Variants in ITGA9 observed in about 807,000 individuals in gnomAD.
ITGA9 encodes integrin subunit alpha 9, also known as integrin alpha-9.
ITGA9 carries 56 observed loss-of-function variants against 127.8 expected under a neutral mutation model. The ratio of observed to expected loss-of-function variants is 0.44; its 90% CI spans 0.35 to 0.55. ITGA9 has a LOEUF of 0.55. Ranked by LOEUF, ITGA9 falls within the 20% of genes least tolerant of loss-of-function variation. ITGA9 has a pLI of 0.00. For synonymous variants in ITGA9, 508 were observed against 514.5 expected (o/e 0.99, Z 0.17); for missense variants, 1,196 against 1,347.1 (o/e 0.89, Z 1.76).
At chr3:37,481,427 G>C in intron 3 of ITGA9, 57 bp from the exon 4 acceptor site, 1 of 1,611,436 alleles carries the variant, frequency 6.2e-7, no homozygotes, top group Non-Finnish European at 8.5e-7. Context: ...ACAGGAGTCT[G>C]CTTTGTGATC....
intron 4 of ITGA9, among the ~76,000 whole-genome samples, chr3:37,489,734 C>T (rs536240710): frequency 1.3e-4 from 18 of 142,360 alleles, no homozygotes; most frequent in Admixed American, 1.2e-3. Context: ...TGCCCAAATG[C>T]ATTGTTTCCT....
intron 15 of ITGA9, among the ~76,000 whole-genome samples, chr3:37,582,909 A>G (rs557802049): frequency 9.2e-5 from 14 of 152,352 alleles, no homozygotes; most frequent in African/African-American, 3.4e-4. Flanking sequence ...AAACTTGTCA[A>G]CCAGTAGGCC....
At chr3:37,557,342 G>GA (rs1369029248) in intron 15 of ITGA9, among the ~76,000 whole-genome samples, 2 of 152,198 alleles carry the variant, frequency 1.3e-5, no homozygotes, top group East Asian at 3.9e-4. Flanking sequence ...CTGTTTTGCA[G>GA]ATGGGGAATT....
chr3:37,492,664 T>G (rs1698685132), intron 4 of ITGA9, among the ~76,000 whole-genome samples: 1 of 152,220 alleles, frequency 6.6e-6, no homozygotes, highest in African/African-American at 2.4e-5. Context: ...TGTCAGAAAT[T>G]TATGAGGCTG....
chr3:37,665,190 G>T (rs1327345413), intron 17 of ITGA9, among the ~76,000 whole-genome samples: 2 of 151,676 alleles, frequency 1.3e-5, no homozygotes, highest in Non-Finnish European at 2.9e-5. Flanking sequence ...GTCCAGGCTA[G>T]TCTCGAACTC....
At chr3:37,600,258 G>A (rs1196574372) in intron 15 of ITGA9, among the ~76,000 whole-genome samples, 2 of 152,100 alleles carry the variant, frequency 1.3e-5, no homozygotes, top group Admixed American at 6.5e-5. Flanking sequence ...AGGAATTAAG[G>A]TATTTCTCCC....
chr3:37,711,789 T>G (rs748959088), intron 18 of ITGA9, among the ~76,000 whole-genome samples: 21 of 152,368 alleles, frequency 1.4e-4, no homozygotes, highest in South Asian at 1.0e-3. Flanking sequence ...TGTTCTACAC[T>G]TATAAGTTAA....
chr3:37,766,711 A>G (rs1339999396), intron 23 of ITGA9, among the ~76,000 whole-genome samples: 1 of 152,212 alleles, frequency 6.6e-6, no homozygotes, highest in Non-Finnish European at 1.5e-5. Flanking sequence ...TTTGTCTCAT[A>G]TGGGGGCTAT....
chr3:37,714,177 C>T (rs1417626784), intron 18 of ITGA9, among the ~76,000 whole-genome samples: 2 of 152,212 alleles, frequency 1.3e-5, no homozygotes, highest in Admixed American at 1.3e-4. Context: ...TTCTCAGAGG[C>T]TTGATATCCT....
chr3:37,680,109 C>G (rs1700721084), intron 17 of ITGA9, among the ~76,000 whole-genome samples: 1 of 152,118 alleles, frequency 6.6e-6, no homozygotes, highest in Non-Finnish European at 1.5e-5. Flanking sequence ...ATAGGAGTTG[C>G]TGGGTTCTCA....
At chr3:37,478,073 G>A (rs1017045199) in intron 3 of ITGA9, among the ~76,000 whole-genome samples, 5 of 152,040 alleles carry the variant, frequency 3.3e-5, no homozygotes, top group East Asian at 1.9e-4. Flanking sequence ...TTAGGTGAAC[G>A]TCCTCAGAAT....
chr3:37,546,440 GT>G (rs1391815099), intron 15 of ITGA9, among the ~76,000 whole-genome samples: 1 of 152,222 alleles, frequency 6.6e-6, no homozygotes, highest in Non-Finnish European at 1.5e-5. Flanking sequence ...AATCCACCTT[GT>G]GGGCCCAGTC....
chr3:37,818,251 C>CTTTTTT (rs1165189273), intron 27 of ITGA9: 11 of 57,026 alleles, frequency 1.9e-4, no homozygotes, highest in African/African-American at 4.8e-4. Context: ...ACCATGAAAC[C>CTTTTTT]TTTTTTTTTT....
intron 4 of ITGA9, among the ~76,000 whole-genome samples, chr3:37,492,919 C>A (rs1698687414): frequency 6.6e-6 from 1 of 152,196 alleles, no homozygotes; most frequent in Non-Finnish European, 1.5e-5. Context: ...TTATTTCTTG[C>A]TATTATGAAA....
At chr3:37,586,261 G>A (rs969980367) in intron 15 of ITGA9, among the ~76,000 whole-genome samples, 2 of 152,198 alleles carry the variant, frequency 1.3e-5, no homozygotes, top group African/African-American at 2.4e-5. Context: ...AAAGCCCCAA[G>A]CAAACAGCCT....
At chr3:37,808,615 A>G (rs939820244) in intron 27 of ITGA9, 1 of 152,090 alleles carries the variant, frequency 6.6e-6, no homozygotes, top group Admixed American at 6.6e-5. Context: ...ACATCTGACA[A>G]ATTTCTGGGT....
At chr3:37,620,824 C>T (rs1305502146) in intron 15 of ITGA9, among the ~76,000 whole-genome samples, 1 of 152,210 alleles carries the variant, frequency 6.6e-6, no homozygotes, top group Admixed American at 6.5e-5. Flanking sequence ...AGCTATTCTT[C>T]CCTCATTGGA....
chr3:37,554,814 C>T (rs1048972845), intron 15 of ITGA9, among the ~76,000 whole-genome samples: 5 of 152,044 alleles, frequency 3.3e-5, no homozygotes, highest in African/African-American at 4.8e-5. Context: ...GTGTTTTCAA[C>T]GGAAGGTGCA....
chr3:37,717,930 G>A (rs1410567079), intron 18 of ITGA9, among the ~76,000 whole-genome samples: 1 of 152,182 alleles, frequency 6.6e-6, no homozygotes, highest in African/African-American at 2.4e-5. Context: ...CGACCTGTGG[G>A]GTGGGAATGG....
Sources: gnomAD v4.1 joint callset for allele counts (sites outside exome capture counted in the v4.1 genomes callset) on GRCh38, gnomAD v4.1.1 for gene constraint, MANE v1.5 for transcripts, NCBI Gene and HGNC (gene_info 2026-07-23, HGNC 2026-07-21) for gene names.